SCRG1: variants seen among roughly 807,000 people sequenced by gnomAD.
SCRG1 encodes the protein stimulator of chondrogenesis 1, also known as scrapie-responsive protein 1.
SCRG1 carries 3 observed loss-of-function variants against 7.7 expected under a neutral mutation model. The observed-to-expected ratio is 0.39, with a 90% CI of 0.18 to 1.01. The LOEUF (loss-of-function observed/expected upper bound fraction) is 1.01. Ranked by LOEUF, SCRG1 falls within the 50% of genes least tolerant of loss-of-function variation. The probability of loss-of-function intolerance (pLI) is 0.36; values close to 1 mark genes in which losing one functional copy is unlikely to be tolerated. For synonymous variants in SCRG1, 46 were observed against 41.2 expected (o/e 1.12, Z -0.44); for missense variants, 110 against 117.2 (o/e 0.94, Z 0.28).
the SCRG1 span, among the ~76,000 whole-genome samples, chr4:173,479,069 C>G: frequency 6.6e-6 from 1 of 152,290 alleles, no homozygotes; most frequent in South Asian, 2.1e-4. Flanking sequence ...GGGTGCATCT[C>G]TGATCTAATT....
the SCRG1 span, chr4:173,419,693 C>G: frequency 2.4e-6 from 2 of 849,654 alleles, no homozygotes; most frequent in Non-Finnish European, 4.0e-6. Context: ...CTTCGGGGCA[C>G]CAAACACTTT....
the SCRG1 span, among the ~76,000 whole-genome samples, chr4:173,426,373 C>T: frequency 6.6e-6 from 1 of 152,204 alleles, no homozygotes; most frequent in Non-Finnish European, 1.5e-5. Flanking sequence ...ACTTCTTGTA[C>T]TTTCAACTCC....
At chr4:173,496,422 T>C in the SCRG1 span, among the ~76,000 whole-genome samples, 12 of 152,266 alleles carry the variant, frequency 7.9e-5, no homozygotes, top group African/African-American at 2.6e-4. Context: ...GTGGTACCAG[T>C]CATGGAGACT....
At chr4:173,469,307 T>A in the SCRG1 span, 2 of 152,132 alleles carry the variant, frequency 1.3e-5, no homozygotes, top group Non-Finnish European at 1.5e-5. Flanking sequence ...TTGGATAATA[T>A]AACAGACTCA....
the SCRG1 span, among the ~76,000 whole-genome samples, chr4:173,517,470 AG>A: frequency 1.3e-5 from 2 of 151,450 alleles, no homozygotes; most frequent in African/African-American, 4.9e-5. Flanking sequence ...ACTAGGGGGA[AG>A]TAACTGCTAT....
rs1739223329 is a variant in SCRG1, at chr4:173,385,588, T to C, written c.*2753A>G. 1 of 152,328 alleles carries C rather than the reference T, an allele frequency of 6.6e-6. No homozygotes were observed. The highest frequency in any genetic ancestry group is 1.5e-5 in the Non-Finnish European group (1 of 68,014). 9.4% of individuals were successfully genotyped at this position (152,328 alleles called of 1,614,324 possible). Reference sequence around the variant, plus strand: ...ATTTATTTTGTAATATAAAGAAGGCTGTGTACTTGTATAATGCATTCATTT... The same window carrying C: ...ATTTATTTTGTAATATAAAGAAGGCCGTGTACTTGTATAATGCATTCATTT... On this transcript the variant is annotated 3_prime_UTR_variant, in exon 3 of 3. Transcript: ENST00000296506.
chr4:173,487,981 G>A, the SCRG1 span, among the ~76,000 whole-genome samples: 1 of 151,902 alleles, frequency 6.6e-6, no homozygotes, highest in Non-Finnish European at 1.5e-5. Context: ...CGCACCTGTG[G>A]TCCCAGCTAC....
At position 173,385,314 on chromosome 4, in the gene SCRG1, A is replaced by G. The variant is rs529798482; in HGVS notation, c.*3027T>C. ...CAAAACCTCATTTCTACTAAAAAAT[A>G]CAAAAATTAGCTGAGCATGGTGACA... is the stretch of plus-strand genomic sequence containing the variant. On this transcript the variant is annotated 3_prime_UTR_variant, in exon 3 of 3. Transcript: ENST00000296506. 6.6e-6 allele frequency: 1 copy of G among 152,220 alleles called. No homozygotes were observed. The highest frequency in any genetic ancestry group is 2.1e-4 in the South Asian group (1 of 4,818). 9.4% of individuals were successfully genotyped at this position (152,220 alleles called of 1,614,324 possible). A position where few individuals can be genotyped will look rare whatever the true frequency, so the allele number is the denominator to read the frequency against.
chr4:173,471,712 T>C, the SCRG1 span, among the ~76,000 whole-genome samples: 4 of 152,148 alleles, frequency 2.6e-5, no homozygotes, highest in Non-Finnish European at 5.9e-5. Flanking sequence ...GGGTGGAAGA[T>C]GGAAAATGAG....
chr4:173,491,286 T>C, the SCRG1 span, among the ~76,000 whole-genome samples: 1 of 150,154 alleles, frequency 6.7e-6, no homozygotes, highest in Non-Finnish European at 1.5e-5. Flanking sequence ...TGCATGCACA[T>C]GATCTTTGCT....
chr4:173,491,741 G>A, the SCRG1 span, among the ~76,000 whole-genome samples: 1 of 152,164 alleles, frequency 6.6e-6, no homozygotes, highest in African/African-American at 2.4e-5. Flanking sequence ...CCAGTAACTT[G>A]TCATTCAACC....
the SCRG1 span, chr4:173,419,948 A>G: frequency 1.4e-6 from 1 of 730,530 alleles, no homozygotes; most frequent in Non-Finnish European, 2.5e-6. Context: ...AGCCCCCTCT[A>G]TACGGGCATA....
chr4:173,507,025 C>G, the SCRG1 span, among the ~76,000 whole-genome samples: 34 of 152,338 alleles, frequency 2.2e-4, no homozygotes, highest in South Asian at 6.8e-3. This position sits in a 1 kb window ranked among gnomAD's most constrained non-coding sequence, Gnocchi z 4.4. Context: ...AGCTCTCAGA[C>G]ATGCTGCGCT....
At chr4:173,514,851 T>C in the SCRG1 span, among the ~76,000 whole-genome samples, 1 of 152,292 alleles carries the variant, frequency 6.6e-6, no homozygotes, top group East Asian at 1.9e-4. Context: ...AAGTTCAAAT[T>C]GCAAAATAAG....
At chr4:173,472,310 C>T in the SCRG1 span, among the ~76,000 whole-genome samples, 2 of 152,098 alleles carry the variant, frequency 1.3e-5, no homozygotes, top group African/African-American at 4.8e-5. Context: ...ATTATTTTTA[C>T]GTGAAGCTGT....
At chr4:173,397,032 G>T (rs566499916) in intron 1 of SCRG1, among the ~76,000 whole-genome samples, 2 of 152,196 alleles carry the variant, frequency 1.3e-5, no homozygotes, top group Admixed American at 1.3e-4. Flanking sequence ...CAGCCTGCGC[G>T]ATGGAGCCAG....
At chr4:173,489,996 C>T in the SCRG1 span, among the ~76,000 whole-genome samples, 11 of 152,174 alleles carry the variant, frequency 7.2e-5, no homozygotes, top group African/African-American at 1.7e-4. Context: ...GCTGCAACAT[C>T]AGTTCTAGCC....
the SCRG1 span, among the ~76,000 whole-genome samples, chr4:173,462,863 A>G: frequency 6.6e-6 from 1 of 152,222 alleles, no homozygotes; most frequent in Non-Finnish European, 1.5e-5. Context: ...TTGTTTATGC[A>G]AAGTGTTAAG....
At chr4:173,423,345 G>A in the SCRG1 span, among the ~76,000 whole-genome samples, 1 of 152,088 alleles carries the variant, frequency 6.6e-6, no homozygotes, top group Non-Finnish European at 1.5e-5. Context: ...AGTCATTATT[G>A]TTTTTCTAGA....
Sources: gnomAD v4.1 joint callset for allele counts (sites outside exome capture counted in the v4.1 genomes callset) on GRCh38, gnomAD v4.1.1 for gene constraint, Gnocchi (gnomAD v3.1) non-coding constraint, MANE v1.5 for transcripts, NCBI Gene and HGNC (gene_info 2026-07-23, HGNC 2026-07-21) for gene names.